PCNT: variants seen among roughly 807,000 people sequenced by gnomAD.
PCNT encodes the protein pericentrin.
PCNT carries 319 observed loss-of-function variants against 380.4 expected under a neutral mutation model. The ratio of observed to expected loss-of-function variants is 0.84; its 90% CI spans 0.77 to 0.92. The LOEUF is 0.92. Ranked by LOEUF, PCNT falls within the 40% of genes least tolerant of loss-of-function variation. The pLI is 0.00. For missense variants in PCNT, 4,400 were observed against 4,255.3 expected, an observed-to-expected ratio of 1.03 and a Z score of -0.95; for synonymous variants, 1,845 against 1,735.2, an observed-to-expected ratio of 1.06 and a Z score of -1.57.
At chr21:46,429,372 A>G (rs866956040) in intron 35 of PCNT, among the ~76,000 whole-genome samples, 19,928 of 53,134 alleles carry the variant, frequency 0.38, 3,926 homozygotes, top group African/African-American at 0.6. Flanking sequence ...GGGCACGGGC[A>G]GGGGGTGCCG....
rs1484935927 is a variant in PCNT, at chr21:46,440,115, A to G, written c.9306A>G (p.Glu3102=). The G allele has an allele frequency of 6.2e-7, 1 of 1,614,096 alleles. No homozygotes were observed. Among genetic ancestry groups the G allele is most frequent in the Non-Finnish European group, 8.5e-7 (1 of 1,179,994 alleles). ...AAAGGTCTGCTTGGAAGCCAGACGAAACGGCTCCACAGAGTTCCCTGAGGC... is the reference window on the plus strand; with the variant it reads ...AAAGGTCTGCTTGGAAGCCAGACGAGACGGCTCCACAGAGTTCCCTGAGGC... ...RSERSAWKPD[E]TAPQSSLRRP... is the part of the protein sequence containing the mutation. Residue 3102 remains glutamate, a synonymous_variant, in exon 42 of 47, where the codon GAA becomes GAG. Transcript: ENST00000359568.
In PCNT at chr21:46,427,634, G is replaced by A. The variant is rs780429063; in HGVS notation, c.7333G>A (p.Ala2445Thr). 44 of 1,613,804 alleles carry A rather than the reference G, an allele frequency of 2.7e-5. No individual in the cohort carries two copies. The highest frequency in any genetic ancestry group is 7.7e-5 in the South Asian group (7 of 91,088). The change falls in exon 34 of 47, where the codon GCG becomes ACG. Residue 2445 changes from alanine to threonine, a missense_variant. Transcript: ENST00000359568. ...CTTCTTCCTTTAGGAAGTGCCCACC[G>A]CGTGCCCCGATTGGAGAGGGGACCT... ...HGGKTQEVPT[A>T]CPDWRGDLLQ...
intron 21 of PCNT, among the ~76,000 whole-genome samples, chr21:46,394,227 G>A (rs112632722): frequency 1.4e-4 from 22 of 152,342 alleles, no homozygotes; most frequent in Middle Eastern, 3.4e-3. Flanking sequence ...CTGCCTCGCC[G>A]TGTTGCGTGA....
At position 46,355,640 on chromosome 21, in the gene PCNT, G is replaced by C; in HGVS notation, c.1936+14G>C. The C allele has an allele frequency of 6.2e-7, 1 of 1,612,492 alleles. No individual in the cohort carries two copies. Among genetic ancestry groups the C allele is most frequent in the South Asian group, 1.1e-5 (1 of 90,936 alleles). On this transcript the variant is annotated intron_variant, in intron 12 of 46. Transcript: ENST00000359568. Reference sequence around the variant, plus strand: ...GGCACAGCCAAGGTGGGCCCCTCCCGCCTCGCCATGGTGTCGGCAGGTCCC... The same window carrying C: ...GGCACAGCCAAGGTGGGCCCCTCCCCCCTCGCCATGGTGTCGGCAGGTCCC...
chr21:46,333,765 G>A (rs2083633450), intron 2 of PCNT, among the ~76,000 whole-genome samples: 2 of 151,518 alleles, frequency 1.3e-5, no homozygotes, highest in South Asian at 2.1e-4. Context: ...TTGAACCCAG[G>A]AGGTGGAGGT....
intron 19 of PCNT, 45 bp downstream of exon 19, chr21:46,389,476 A>C: frequency 6.7e-7 from 1 of 1,492,488 alleles, no homozygotes; most frequent in Non-Finnish European, 9.3e-7. Flanking sequence ...TGAACAACTG[A>C]GTAGCTGATG....
chr21:46,428,581 C>T lies in PCNT; in HGVS notation c.7681C>T (p.Arg2561Cys), dbSNP rs751345838. The T allele has an allele frequency of 1.5e-5, 24 of 1,598,060 alleles. No individual in the cohort carries two copies. Among genetic ancestry groups the T allele is most frequent in the South Asian group, 1.2e-4 (11 of 90,138 alleles). ...ARGSQQEHQLRRQVELLAYKV... is the reference protein window; with the variant it reads ...ARGSQQEHQLCRQVELLAYKV... Reference sequence around the variant, plus strand: ...CGGGAGCCAGCAGGAGCACCAGCTGCGCAGGCAGGGTGGGTGTCACTGTCT... The same window carrying T: ...CGGGAGCCAGCAGGAGCACCAGCTGTGCAGGCAGGGTGGGTGTCACTGTCT... Residue 2561 changes from arginine (R) to cysteine (C), a missense_variant, in exon 35 of 47, where the codon CGC (arginine) becomes TGC (cysteine). Arg to Cys is a radical substitution (Grantham distance 180). Coordinates refer to ENST00000359568, the MANE Select transcript of PCNT (RefSeq NM_006031.6).
intron 16 of PCNT, among the ~76,000 whole-genome samples, chr21:46,384,764 G>A (rs1200916799): frequency 2.8e-5 from 4 of 140,664 alleles, no homozygotes; most frequent in South Asian, 4.3e-4. Context: ...GCGCATTCAC[G>A]GTGTTGTGCG....
At chr21:46,343,252 C>G (rs1295389775) in intron 3 of PCNT, among the ~76,000 whole-genome samples, 1 of 152,134 alleles carries the variant, frequency 6.6e-6, no homozygotes, top group Non-Finnish European at 1.5e-5. Context: ...TTCAACTTCT[C>G]CCTTTTCAGT....
In PCNT at chr21:46,383,643, GTGT is replaced by G. The variant is rs569514365; in HGVS notation, c.3312+1807_3312+1809del. 5.7e-3 allele frequency among the ~76,000 whole-genome samples: 809 copies of G among 142,812 alleles called. 60 individuals are homozygous for G. The highest frequency in any genetic ancestry group is 9.0e-3 in the Non-Finnish European group (582 of 64,646). 93.7% of individuals were successfully genotyped at this position (142,812 alleles called of 152,430 possible). A position where few individuals can be genotyped will look rare whatever the true frequency, so the allele number is the denominator to read the frequency against. On this transcript the variant is annotated intron_variant, in intron 16 of 46. Coordinates refer to ENST00000359568, the MANE Select transcript of PCNT (RefSeq NM_006031.6). ...GTTCAGTGGCAGAAGCGCATTCACG[GTGT>G]TGTGCATTCAGTGGCGGAAGCGCAT...
intron 24 of PCNT, among the ~76,000 whole-genome samples, chr21:46,398,814 CTT>C (rs2086296340): frequency 7.3e-6 from 1 of 136,748 alleles, no homozygotes. Flanking sequence ...CTTTTTTTTT[CTT>C]TTTCTTTTTT....
intron 27 of PCNT, 134 bp downstream of exon 27, chr21:46,402,617 T>TG: frequency 5.6e-6 from 5 of 898,500 alleles, no homozygotes; most frequent in Non-Finnish European, 9.1e-6. Flanking sequence ...TGGCAGACAG[T>TG]GCAGAGAGCG....
chr21:46,364,832 G>A (rs1039225378), intron 14 of PCNT, among the ~76,000 whole-genome samples: 1 of 152,142 alleles, frequency 6.6e-6, no homozygotes, highest in Non-Finnish European at 1.5e-5. Flanking sequence ...GCATGAACAC[G>A]AGCAGGACGC....
chr21:46,358,528 A>G (rs190170789), intron 13 of PCNT, among the ~76,000 whole-genome samples: 22 of 152,178 alleles, frequency 1.4e-4, no homozygotes, highest in South Asian at 1.0e-3. Context: ...TCATGTGCCA[A>G]TGGCACCTGC....
rs955395192 is a variant in PCNT at position 46,428,593 on chromosome 21, G to T, written c.7690+3G>T. ...GGAGCACCAGCTGCGCAGGCAGGGTGGGTGTCACTGTCTACACTGCCTGGG... is the reference window on the plus strand; with the variant it reads ...GGAGCACCAGCTGCGCAGGCAGGGTTGGTGTCACTGTCTACACTGCCTGGG... On this transcript the variant is annotated splice_donor_region_variant and intron_variant, in intron 35 of 46. Transcript: ENST00000359568. 6.3e-7 allele frequency: 1 copy of T among 1,592,430 alleles called. No homozygotes were observed. Among genetic ancestry groups the T allele is most frequent in the Non-Finnish European group, 8.5e-7 (1 of 1,175,990 alleles).
At chr21:46,326,761 C>T (rs915112397) in intron 2 of PCNT, among the ~76,000 whole-genome samples, 172 bp downstream of exon 2, 2 of 152,172 alleles carry the variant, frequency 1.3e-5, no homozygotes, top group African/African-American at 2.4e-5. Flanking sequence ...CGCCTGTAAT[C>T]CCCGCACTTT....
chr21:46,377,049 C>G (rs1218946987), intron 15 of PCNT, among the ~76,000 whole-genome samples: 1 of 151,448 alleles, frequency 6.6e-6, no homozygotes, highest in Non-Finnish European at 1.5e-5. Flanking sequence ...CGGGGGGCAC[C>G]CGATCCTTTA....
intron 44 of PCNT, 93 bp downstream of exon 44, chr21:46,442,666 G>C: frequency 1.2e-6 from 1 of 838,722 alleles, no homozygotes; most frequent in Non-Finnish European, 2.0e-6. Context: ...CAGTGTTGAT[G>C]GGGACGTAAT....
At chr21:46,399,460 C>G (rs1369388773) in intron 24 of PCNT, 130 bp from the exon 25 acceptor site, 4 of 719,022 alleles carry the variant, frequency 5.6e-6, no homozygotes, top group Admixed American at 2.1e-5. Context: ...GAGTCTAGGT[C>G]TCCCTTTGGG....
Sources: gnomAD v4.1 joint callset for allele counts (sites outside exome capture counted in the v4.1 genomes callset) on GRCh38, gnomAD v4.1.1 for gene constraint, MANE v1.5 for transcripts, NCBI Gene and HGNC (gene_info 2026-07-23, HGNC 2026-07-21) for gene names.